SRPX: variants seen among roughly 807,000 people sequenced by gnomAD.
SRPX encodes the protein sushi repeat containing protein X-linked, also known as sushi repeat-containing protein SRPX.
A neutral mutation model predicts 38.1 loss-of-function variants in SRPX; 24 were observed. The observed-to-expected ratio is 0.63, with a 90% CI of 0.46 to 0.89. The LOEUF is 0.89. Among genes scored for constraint, SRPX ranks in the 40% least tolerant of loss-of-function variants. SRPX has a pLI of 0.00. For synonymous variants in SRPX, 184 were observed against 153.8 expected, an observed-to-expected ratio of 1.20 and a Z score of -1.45; for missense variants, 416 against 377.8, an observed-to-expected ratio of 1.10 and a Z score of -0.84.
chrX:38,174,222 T>C lies in SRPX; in HGVS notation c.287A>G (p.His96Arg), dbSNP rs763577329. Residue 96 changes from histidine (H) to arginine (R), a missense_variant, in exon 3 of 10, where the codon CAT becomes CGT. His to Arg is a conservative substitution (Grantham distance 29). Transcript: ENST00000378533. ...DIRCQKGYEL[H>R]GSSLLICQSN... ...CTGGCAGATCAGTAGGGAAGAGCCA[T>C]GCAGCTCGTAGCCCTTCTGGCAGCG... 5.2e-6 allele frequency: 6 copies of C among 1,153,038 alleles called. No individual in the cohort carries two copies. The highest frequency in any genetic ancestry group is 4.3e-5 in the South Asian group (2 of 46,624).
intron 1 of SRPX, among the ~76,000 whole-genome samples, chrX:38,192,555 T>C: frequency 8.9e-6 from 1 of 112,727 alleles, no homozygotes; most frequent in Middle Eastern, 4.6e-3. Context: ...TATATGTGTG[T>C]CCTGTTTTCT....
intron 8 of SRPX, 139 bp from the exon 9 acceptor site, chrX:38,154,722 T>G: frequency 1.2e-6 from 1 of 812,382 alleles, no homozygotes; most frequent in East Asian, 3.5e-5. Flanking sequence ...TGAAAACAGA[T>G]GAGAAATTGG....
intron 1 of SRPX, among the ~76,000 whole-genome samples, chrX:38,180,148 G>A (rs889381214): frequency 4.5e-5 from 5 of 110,368 alleles, no homozygotes; most frequent in Non-Finnish European, 5.7e-5. Flanking sequence ...TTCTCCCCCC[G>A]CCCAGCCCTC....
intron 1 of SRPX, among the ~76,000 whole-genome samples, chrX:38,197,427 C>CT (rs923251064): frequency 4.5e-5 from 5 of 110,950 alleles, no homozygotes; most frequent in Admixed American, 9.5e-5. Context: ...TGGGCCAATT[C>CT]TTTTTTTTTC....
At chrX:38,183,886 C>T (rs1450025813) in intron 1 of SRPX, among the ~76,000 whole-genome samples, 1 of 111,517 alleles carries the variant, frequency 9.0e-6, no homozygotes, top group Non-Finnish European at 1.9e-5. Context: ...TACCTGGAGC[C>T]AACTGCATTT....
At position 38,178,478 on chromosome X, in the gene SRPX, G is replaced by GC. The variant is rs1382453737; in HGVS notation, c.98-135dup. The GC allele has an allele frequency of 8.4e-6, 4 of 474,060 alleles. No homozygotes were observed. The African/African-American group carries it at 9.7e-5, about 11-fold the overall frequency. 39.1% of individuals were successfully genotyped at this position (474,060 alleles called of 1,213,427 possible). On this transcript the variant is annotated intron_variant, in intron 1 of 9. Coordinates refer to ENST00000378533, the MANE Select transcript of SRPX (RefSeq NM_006307.5). The stretch of plus-strand genomic sequence containing the variant: ...AGAGCCAAGAGCAAAAGCTTCTGTG[G>GC]CCATTCATGAAGGAACAAACAGGAG...
At chrX:38,183,164 G>A (rs1009874005) in intron 1 of SRPX, among the ~76,000 whole-genome samples, 4 of 108,367 alleles carry the variant, frequency 3.7e-5, no homozygotes, top group Middle Eastern at 4.8e-3. Context: ...AGAGATTCTC[G>A]TGCCTCAGCC....
At chrX:38,218,165 C>T (rs1219611024) in intron 1 of SRPX, among the ~76,000 whole-genome samples, 2 of 112,072 alleles carry the variant, frequency 1.8e-5, no homozygotes, top group Admixed American at 9.4e-5. Flanking sequence ...AGTAAAACCA[C>T]GCTACTTTAC....
Position 38,178,267 on chromosome X carries a change from C to T in SRPX, c.157+18G>A. On this transcript the variant is annotated intron_variant, in intron 2 of 9. Transcript: ENST00000378533. ...TGGCACCAGCAGGTCCTCATTAGCA[C>T]ATAAGCAAAGCATTCACCTTTATAT... The T allele has an allele frequency of 8.3e-7, 1 of 1,200,263 alleles. No homozygotes were observed. Among genetic ancestry groups the T allele is most frequent in the Non-Finnish European group, 1.1e-6 (1 of 886,649 alleles).
intron 1 of SRPX, 60 bp downstream of exon 1, chrX:38,220,636 A>G (rs1939499363): frequency 5.1e-6 from 6 of 1,170,435 alleles, no homozygotes; most frequent in African/African-American, 1.8e-5. Flanking sequence ...AAGGGTCCCA[A>G]CGGCGACTCC....
intron 1 of SRPX, among the ~76,000 whole-genome samples, chrX:38,190,760 T>C (rs1012525042): frequency 1.8e-5 from 2 of 111,974 alleles, no homozygotes; most frequent in African/African-American, 3.3e-5. Context: ...GTGCTAGCAC[T>C]TCCTAGGTGT....
chrX:38,159,161 T>C lies in SRPX; in HGVS notation c.955+856A>G, dbSNP rs771274340. On this transcript the variant is annotated intron_variant, in intron 7 of 9. Transcript: ENST00000378533. ...GAAATTGGTATATATTTTACACTTA[T>C]AGCATATCTCAATTCAGAATAGCCT... is the stretch of plus-strand genomic sequence containing the variant. 6.2e-5 allele frequency among the ~76,000 whole-genome samples: 7 copies of C among 112,161 alleles called. No individual in the cohort carries two copies. The South Asian group carries it at 1.1e-3, about 18-fold the overall frequency.
intron 1 of SRPX, among the ~76,000 whole-genome samples, chrX:38,212,401 A>G (rs1226991444): frequency 9.0e-6 from 1 of 111,710 alleles, no homozygotes; most frequent in Non-Finnish European, 1.9e-5. Flanking sequence ...GAAGTGAACC[A>G]TTGTGTGTCA....
intron 3 of SRPX, 103 bp from the exon 4 acceptor site, chrX:38,172,160 T>A: frequency 1.1e-6 from 1 of 933,966 alleles, no homozygotes; most frequent in Non-Finnish European, 1.5e-6. Flanking sequence ...AAAGTTAATT[T>A]AAATATAAGA....
chrX:38,220,174 G>A (rs1415706978), intron 1 of SRPX, among the ~76,000 whole-genome samples: 1 of 113,481 alleles, frequency 8.8e-6, no homozygotes, highest in Non-Finnish European at 1.9e-5. Context: ...AGCAGGGGGG[G>A]TTAAGAGATT....
intron 1 of SRPX, among the ~76,000 whole-genome samples, chrX:38,186,358 C>A (rs764394020): frequency 9.0e-6 from 1 of 111,670 alleles, no homozygotes; most frequent in Non-Finnish European, 1.9e-5. Context: ...GCAGGCCAAG[C>A]CAATAACTTG....
chrX:38,213,424 T>G (rs1343648867), intron 1 of SRPX, among the ~76,000 whole-genome samples: 1 of 111,491 alleles, frequency 9.0e-6, no homozygotes, highest in Non-Finnish European at 1.9e-5. Flanking sequence ...AAGCAAATGG[T>G]ATAGAGAGGA....
rs1051135000 is a variant in SRPX at position 38,165,794 on chromosome X, G to A, written c.527-899C>T. On this transcript the variant is annotated intron_variant, in intron 4 of 9. Transcript: ENST00000378533. The stretch of plus-strand genomic sequence containing the variant: ...GAACTGCTACTGAACTACACTTATG[G>A]TTTTATGTTCTGGGACAGCAGTTTT... 2.7e-5 allele frequency among the ~76,000 whole-genome samples: 3 copies of A among 111,903 alleles called. No homozygotes were observed. The South Asian group carries it at 1.1e-3, about 42-fold the overall frequency.
chrX:38,215,730 C>T (rs188262564), intron 1 of SRPX, among the ~76,000 whole-genome samples: 1 of 112,321 alleles, frequency 8.9e-6, no homozygotes, highest in Non-Finnish European at 1.9e-5. Context: ...GACTAAAGAT[C>T]CTCCCCCAAG....
Sources: allele counts gnomAD v4.1 joint callset (sites outside exome capture counted in the v4.1 genomes callset), GRCh38; gene constraint gnomAD v4.1.1; transcripts MANE v1.5; gene names NCBI Gene and HGNC (gene_info 2026-07-23, HGNC 2026-07-21).